The following CAST variants were observed in gnomAD, a reference collection of about 807,000 sequenced individuals.
CAST encodes calpastatin.
A neutral mutation model predicts 119.6 loss-of-function variants in CAST; 76 were observed. The observed-to-expected ratio is 0.64, with a 90% CI of 0.53 to 0.77. The LOEUF is 0.77. Among genes scored for constraint, CAST ranks in the 30% least tolerant of loss-of-function variants. The pLI, the probability that CAST is intolerant of heterozygous loss-of-function variation, is 0.00. For missense variants in CAST, 953 were observed against 946.5 expected (o/e 1.01, Z -0.09); for synonymous variants, 319 against 331.6 (o/e 0.96, Z 0.41).
the CAST span, among the ~76,000 whole-genome samples, chr5:96,149,720 T>C: frequency 6.6e-5 from 10 of 152,220 alleles, no homozygotes; most frequent in African/African-American, 2.4e-4. Flanking sequence ...AGAACTGGCA[T>C]TGCATGTCTA....
the CAST span, among the ~76,000 whole-genome samples, chr5:96,169,253 C>A: frequency 6.6e-6 from 1 of 152,110 alleles, no homozygotes; most frequent in Non-Finnish European, 1.5e-5. Flanking sequence ...GTCTGTGAAG[C>A]CTTGCAGCAG....
chr5:96,393,410 G>A, the CAST span: 24 of 1,612,510 alleles, frequency 1.5e-5, no homozygotes, highest in South Asian at 2.2e-4. Context: ...ACAAAGGGAA[G>A]AAGGTTCATT....
chr5:96,663,231 G>T, intron 1 of CAST: 1 of 702,644 alleles, frequency 1.4e-6, no homozygotes, highest in Non-Finnish European at 2.6e-6. Flanking sequence ...GAGTGTGTTT[G>T]CTTTGCCCTT....
chr5:96,117,570 T>C, the CAST span, among the ~76,000 whole-genome samples: 3 of 152,316 alleles, frequency 2.0e-5, no homozygotes, highest in South Asian at 6.2e-4. Flanking sequence ...AAATAACTTA[T>C]GGTAGATATG....
chr5:96,704,312 T>G (rs1472701944), intron 3 of CAST, among the ~76,000 whole-genome samples: 1 of 152,154 alleles, frequency 6.6e-6, no homozygotes, highest in Non-Finnish European at 1.5e-5. Context: ...AGTGGGGAGT[T>G]TTGGTTCCTT....
the CAST span, among the ~76,000 whole-genome samples, chr5:96,032,406 TTACTACC>T: frequency 6.6e-6 from 1 of 152,138 alleles, no homozygotes; most frequent in Admixed American, 6.6e-5. Context: ...TTCTAGGCCC[TTACTACC>T]TGTGGAGGAG....
the CAST span, among the ~76,000 whole-genome samples, chr5:96,366,177 G>C: frequency 2.0e-5 from 3 of 152,202 alleles, no homozygotes; most frequent in African/African-American, 7.2e-5. Context: ...CTGTCTTGTA[G>C]AGTTTCTGCA....
chr5:96,253,007 T>A, the CAST span, among the ~76,000 whole-genome samples: 1 of 152,162 alleles, frequency 6.6e-6, no homozygotes, highest in Admixed American at 6.6e-5. Flanking sequence ...TCAAGTCATA[T>A]TTAAAGGATT....
In CAST at chr5:96,729,715, C is replaced by T; in HGVS notation, c.539C>T (p.Thr180Ile). The T allele has an allele frequency of 6.8e-7, 1 of 1,460,800 alleles. No individual in the cohort carries two copies. The highest frequency in any genetic ancestry group is 9.6e-7 in the Non-Finnish European group (1 of 1,040,316). The allele number at this position is 1,460,800 out of a possible 1,614,324, so 90.5% of individuals were successfully genotyped here. ...GAACAGCAGCCATCAGAGAAATCAA[C>T]AGAACCAAAGGTAAATGAAGCAGAT... Reference protein sequence around the residue: ...SAEQQPSEKSTEPKTKPQDMI... With the variant: ...SAEQQPSEKSIEPKTKPQDMI... The change falls in exon 8 of 32, where the codon ACA becomes ATA. Residue 180 changes from threonine (T) to isoleucine (I), a missense_variant. By Grantham distance (89) the Thr-to-Ile change is moderately conservative. Coordinates refer to ENST00000675179, the MANE Select transcript of CAST (RefSeq NM_001750.7).
the CAST span, among the ~76,000 whole-genome samples, chr5:96,441,663 G>A: frequency 0.2 from 29,749 of 152,080 alleles, 3,187 homozygotes; most frequent in East Asian, 0.33. Flanking sequence ...ATATTATTAA[G>A]TATGATGGAA....
chr5:96,536,980 T>C (rs896453008), intron 1 of CAST, among the ~76,000 whole-genome samples: 1 of 152,254 alleles, frequency 6.6e-6, no homozygotes. Flanking sequence ...CCCAGAACTC[T>C]AATTCTCTTA....
chr5:96,770,312 A>C lies in CAST; in HGVS notation c.2269-219A>C, dbSNP rs1302662375. 1.4e-5 allele frequency: 7 copies of C among 513,570 alleles called. No individual in the cohort carries two copies. In the East Asian group the frequency reaches 2.3e-4, roughly 17 times the overall value. 31.8% of individuals were successfully genotyped at this position (513,570 alleles called of 1,614,324 possible). ...CCACGGGAATTAGAGCATCAATGTC[A>C]CCCACATTTCCCTCCTTATTTCTAT... On this transcript the variant is annotated intron_variant, in intron 29 of 31. Transcript: ENST00000675179.
chr5:96,032,547 GC>G, the CAST span, among the ~76,000 whole-genome samples: 2 of 152,004 alleles, frequency 1.3e-5, no homozygotes, highest in African/African-American at 4.8e-5. Flanking sequence ...ATAATGCCAG[GC>G]ATACAGGAGC....
intron 2 of CAST, among the ~76,000 whole-genome samples, chr5:96,687,461 TATTA>T (rs1317076506): frequency 1.3e-5 from 2 of 152,244 alleles, no homozygotes; most frequent in Non-Finnish European, 2.9e-5. Context: ...TGAATTCATT[TATTA>T]ATTAAGAAAC....
the CAST span, among the ~76,000 whole-genome samples, chr5:96,447,576 T>A: frequency 6.6e-6 from 1 of 152,174 alleles, no homozygotes. Context: ...GGGCAGAACC[T>A]TAAAATTGCC....
chr5:96,733,975 T>G (rs74951566), intron 9 of CAST, among the ~76,000 whole-genome samples: 1,847 of 152,180 alleles, frequency 0.012, 36 homozygotes, highest in South Asian at 0.033. Flanking sequence ...GAAAAGACAA[T>G]GTACCTGGGG....
the CAST span, among the ~76,000 whole-genome samples, chr5:96,058,926 C>A: frequency 6.6e-6 from 1 of 152,082 alleles, no homozygotes; most frequent in Admixed American, 6.6e-5. Flanking sequence ...GTAGCATATC[C>A]CCAGAAAAGA....
At chr5:96,307,331 G>A in the CAST span, among the ~76,000 whole-genome samples, 13 of 152,010 alleles carry the variant, frequency 8.6e-5, no homozygotes, top group Non-Finnish European at 1.6e-4. Context: ...CCTTTATTTT[G>A]AGCCTATGTG....
At chr5:96,278,708 C>T in the CAST span, 8 of 152,194 alleles carry the variant, frequency 5.3e-5, no homozygotes, top group Admixed American at 1.3e-4. Flanking sequence ...TGTGATTACA[C>T]CTCTTGAGTC....
Sources: gnomAD v4.1 joint callset for allele counts (sites outside exome capture counted in the v4.1 genomes callset) on GRCh38, gnomAD v4.1.1 for gene constraint, MANE v1.5 for transcripts, NCBI Gene and HGNC (gene_info 2026-07-23, HGNC 2026-07-21) for gene names.